Variants in CAST observed in about 807,000 individuals in gnomAD.
CAST encodes MIR583 host.
A neutral mutation model predicts 119.6 loss-of-function variants in CAST; 76 were observed. That is an observed-to-expected ratio of 0.64 (90% CI 0.53 to 0.77). CAST has a LOEUF of 0.77. Ranked by LOEUF, CAST falls within the 30% of genes least tolerant of loss-of-function variation. The pLI is 0.00. For synonymous variants in CAST, 319 were observed against 331.6 expected, an observed-to-expected ratio of 0.96 and a Z score of 0.41; for missense variants, 953 against 946.5, an observed-to-expected ratio of 1.01 and a Z score of -0.09.
chr5:96,769,242 A>G (rs1294191277), intron 29 of CAST: 2 of 152,038 alleles, frequency 1.3e-5, no homozygotes, highest in South Asian at 2.1e-4. Context: ...TTTCTAGACC[A>G]CTTCAGCATC....
chr5:96,054,316 G>T, the CAST span, among the ~76,000 whole-genome samples: 2 of 152,048 alleles, frequency 1.3e-5, no homozygotes, highest in Non-Finnish European at 2.9e-5. Context: ...TCACAGGCAC[G>T]ATCACAGCAC....
the CAST span, among the ~76,000 whole-genome samples, chr5:96,093,095 T>C: frequency 9.9e-5 from 15 of 152,258 alleles, no homozygotes; most frequent in African/African-American, 3.6e-4. Flanking sequence ...ATTGAGAAAA[T>C]TCTATAGGCA....
chr5:96,564,990 C>A (rs1317706271), intron 1 of CAST, among the ~76,000 whole-genome samples: 1 of 151,776 alleles, frequency 6.6e-6, no homozygotes, highest in Non-Finnish European at 1.5e-5. Context: ...TTAAGCTATG[C>A]CCTTAGTTTA....
the CAST span, among the ~76,000 whole-genome samples, chr5:96,107,453 T>C: frequency 7.4e-3 from 1,123 of 152,194 alleles, 14 homozygotes; most frequent in African/African-American, 0.026. Context: ...TGCTTGTCTG[T>C]AAAGTATTTT....
chr5:96,497,738 T>C, the CAST span, among the ~76,000 whole-genome samples: 1 of 152,202 alleles, frequency 6.6e-6, no homozygotes, highest in African/African-American at 2.4e-5. Context: ...TTTGTTTGAG[T>C]TCATTGTAGA....
chr5:96,476,839 T>C, the CAST span, among the ~76,000 whole-genome samples: 1 of 151,244 alleles, frequency 6.6e-6, no homozygotes, highest in Non-Finnish European at 1.5e-5. Flanking sequence ...TCCCTGCACA[T>C]GCACTTCACA....
the CAST span, among the ~76,000 whole-genome samples, chr5:96,065,602 A>C: frequency 6.6e-6 from 1 of 152,132 alleles, no homozygotes; most frequent in African/African-American, 2.4e-5. Flanking sequence ...GGATTTTTTT[A>C]AAGTTGTAAA....
chr5:96,733,975 T>C (rs74951566), intron 9 of CAST, among the ~76,000 whole-genome samples: 1 of 152,066 alleles, frequency 6.6e-6, no homozygotes, highest in African/African-American at 2.4e-5. Flanking sequence ...GAAAAGACAA[T>C]GTACCTGGGG....
At chr5:95,991,788 G>C in the CAST span, among the ~76,000 whole-genome samples, 1 of 152,032 alleles carries the variant, frequency 6.6e-6, no homozygotes, top group Non-Finnish European at 1.5e-5. Context: ...ATACAGGTGT[G>C]AGCCACCGTA....
the CAST span, among the ~76,000 whole-genome samples, chr5:96,039,200 C>T: frequency 2.6e-5 from 4 of 152,026 alleles, no homozygotes; most frequent in African/African-American, 7.3e-5. Context: ...ATATCCTTTG[C>T]CCATTTTTTT....
chr5:96,344,260 A>T, the CAST span, among the ~76,000 whole-genome samples: 1 of 152,192 alleles, frequency 6.6e-6, no homozygotes, highest in African/African-American at 2.4e-5. Flanking sequence ...CATTGGGATG[A>T]GGAAGGAATC....
chr5:96,554,918 G>A (rs1273056679), intron 1 of CAST, among the ~76,000 whole-genome samples: 1 of 152,192 alleles, frequency 6.6e-6, no homozygotes, highest in Non-Finnish European at 1.5e-5. Context: ...TACTGGAGAG[G>A]TTGTGGAAAA....
the CAST span, among the ~76,000 whole-genome samples, chr5:96,075,119 C>T: frequency 6.6e-6 from 1 of 152,128 alleles, no homozygotes; most frequent in Admixed American, 6.6e-5. Flanking sequence ...TTCCTACTGC[C>T]GGAATTTGTT....
At chr5:95,990,071 C>T in the CAST span, among the ~76,000 whole-genome samples, 2 of 152,130 alleles carry the variant, frequency 1.3e-5, no homozygotes, top group African/African-American at 4.8e-5. Context: ...AGATTCCTTC[C>T]ATTTTCCAGA....
chr5:96,025,000 C>A, the CAST span, among the ~76,000 whole-genome samples: 2 of 152,074 alleles, frequency 1.3e-5, no homozygotes, highest in Non-Finnish European at 2.9e-5. Flanking sequence ...TTTTTCTGCT[C>A]CTGAGTCTCA....
chr5:96,537,368 A>T (rs1364587254), intron 1 of CAST, among the ~76,000 whole-genome samples: 1 of 152,100 alleles, frequency 6.6e-6, no homozygotes, highest in Non-Finnish European at 1.5e-5. Context: ...GCAATAGACT[A>T]CCCCTCCTGC....
At chr5:96,429,404 G>A in the CAST span, 1 of 742,606 alleles carries the variant, frequency 1.3e-6, no homozygotes, top group Non-Finnish European at 2.4e-6. Context: ...CTTAGAGATA[G>A]GCAACTTTTA....
chr5:96,548,687 G>A (rs1047783571), intron 1 of CAST, among the ~76,000 whole-genome samples: 3 of 152,128 alleles, frequency 2.0e-5, no homozygotes, highest in African/African-American at 7.2e-5. Flanking sequence ...GAATTTTCAA[G>A]GATGCTGGTA....
chr5:96,672,011 A>T (rs1188478183), intron 1 of CAST, among the ~76,000 whole-genome samples: 2 of 152,242 alleles, frequency 1.3e-5, no homozygotes, highest in Non-Finnish European at 2.9e-5. Context: ...TGATCAGGGC[A>T]ATGGTTAATT....
Sources: gnomAD v4.1 joint callset for allele counts (sites outside exome capture counted in the v4.1 genomes callset) on GRCh38, gnomAD v4.1.1 for gene constraint, MANE v1.5 for transcripts, NCBI Gene and HGNC (gene_info 2026-07-23, HGNC 2026-07-21) for gene names.